The following CYREN variants were observed in gnomAD, a reference collection of about 807,000 sequenced individuals.
CYREN encodes cell cycle regulator of NHEJ.
Under a neutral mutation model 9.7 loss-of-function variants are expected in CYREN, and 7 were observed. The observed-to-expected ratio is 0.72, with a 90% CI of 0.41 to 1.36. CYREN has a LOEUF of 1.36. Ranked by LOEUF, CYREN falls within the 40% of genes most tolerant of loss-of-function variation. The pLI is 0.01. For synonymous variants in CYREN, 76 were observed against 77.9 expected, an observed-to-expected ratio of 0.98 and a Z score of 0.13; for missense variants, 215 against 198.1, an observed-to-expected ratio of 1.09 and a Z score of -0.51.
rs569668912 is a variant in CYREN, at chr7:135,153,822, T to C, written n.356+14927A>G. On this transcript the variant is annotated intron_variant and non_coding_transcript_variant, in intron 2 of 2. Transcript: ENST00000459937. Reference sequence around the variant, plus strand: ...TTTCATTTTCTGCTGTGTCCTTGTCTGGTTTTTAGTATCAGGGTGACCCTG... The same window carrying C: ...TTTCATTTTCTGCTGTGTCCTTGTCCGGTTTTTAGTATCAGGGTGACCCTG... 2.6e-5 allele frequency among the ~76,000 whole-genome samples: 4 copies of C among 152,370 alleles called. No individual in the cohort carries two copies. The South Asian group carries it at 8.3e-4, about 32-fold the overall frequency.
Position 135,166,826 on chromosome 7 carries a change from C to A in CYREN, c.259G>T (p.Ala87Ser). ...GGAGGGGAGTGCTCTGGGTTATCAG[C>A]CCCCGCCAGGGCCGGCTGCTCGCAG... ...KACEQPALAGADNPEHSPPCS... is the reference protein window; with the variant it reads ...KACEQPALAGSDNPEHSPPCS... Residue 87 changes from alanine to serine, a missense_variant, in exon 4 of 4, where the codon GCT becomes TCT. Coordinates refer to ENST00000393114, the MANE Select transcript of CYREN (RefSeq NM_024033.4). 6.2e-7 allele frequency: 1 copy of A among 1,614,120 alleles called. No individual in the cohort carries two copies. The highest frequency in any genetic ancestry group is 1.7e-5 in the Admixed American group (1 of 60,026).
intron 2 of CYREN, among the ~76,000 whole-genome samples, chr7:135,110,280 G>T (rs140703971): frequency 6.6e-6 from 1 of 152,164 alleles, no homozygotes; most frequent in African/African-American, 2.4e-5. Context: ...ATCTGCAGAC[G>T]GTCACTGCTC....
chr7:135,104,524 G>A (rs1248894771), intron 2 of CYREN, among the ~76,000 whole-genome samples: 1 of 151,742 alleles, frequency 6.6e-6, no homozygotes, highest in African/African-American at 2.4e-5. Context: ...TATAATGGTT[G>A]AACTAATCTA....
chr7:135,168,735 C>A lies in CYREN; in HGVS notation c.137+51G>T, dbSNP rs777052642. On this transcript the variant is annotated intron_variant, in intron 2 of 3. Transcript: ENST00000393114. Reference sequence around the variant, plus strand: ...AGACCTGGCCCAGGTCATGGAGGCCCCTGCTCCACTTGCCAGATTCGCAGG... The same window carrying A: ...AGACCTGGCCCAGGTCATGGAGGCCACTGCTCCACTTGCCAGATTCGCAGG... The A allele has an allele frequency of 2.1e-5, 34 of 1,595,596 alleles. 1 individual carries two copies. In the Admixed American group the frequency reaches 5.7e-4, roughly 27 times the overall value.
At chr7:135,129,478 G>T in intron 2 of CYREN, 1 of 774,024 alleles carries the variant, frequency 1.3e-6, no homozygotes, top group South Asian at 1.4e-5. Flanking sequence ...TTCAAGAACT[G>T]ACCATGTTGT....
chr7:135,148,018 C>T lies in CYREN; in HGVS notation n.356+20731G>A, dbSNP rs528622619. On this transcript the variant is annotated intron_variant and non_coding_transcript_variant, in intron 2 of 2. Coordinates refer to the CYREN transcript ENST00000459937. ...CATGGGCCACTGGCAAGTTAGGAAA[C>T]GAAAGTGAAATCAGCTGATAGTGAC... 1.1e-4 allele frequency: 48 copies of T among 455,938 alleles called. 2 individuals carry two copies. In the Middle Eastern group the frequency reaches 9.8e-3, roughly 93 times the overall value. 28.2% of individuals were successfully genotyped at this position (455,938 alleles called of 1,614,324 possible).
chr7:135,164,735 C>T, downstream of CYREN: 1 of 1,614,212 alleles, frequency 6.2e-7, no homozygotes. Flanking sequence ...TCTTTGCCCC[C>T]CAGCCTCTCC....
chr7:135,144,895 T>G (rs1444495959), intron 2 of CYREN, among the ~76,000 whole-genome samples: 1 of 126,634 alleles, frequency 7.9e-6, no homozygotes, highest in African/African-American at 3.0e-5. Context: ...ATCGTGCCAC[T>G]GCACTCCAGC....
intron 2 of CYREN, chr7:135,128,925 T>C: frequency 6.5e-7 from 1 of 1,530,594 alleles, no homozygotes; most frequent in Non-Finnish European, 9.1e-7. Flanking sequence ...TTTGTTCCTG[T>C]GCAATATCTG....
intron 2 of CYREN, among the ~76,000 whole-genome samples, chr7:135,100,675 T>G (rs1323150149): frequency 6.6e-6 from 1 of 152,242 alleles, no homozygotes; most frequent in Non-Finnish European, 1.5e-5. Flanking sequence ...TGGGCCTACT[T>G]TCACTTGGAT....
rs537617063 is a variant in CYREN at position 135,168,614 on chromosome 7, G to A, written c.137+172C>T. The A allele has an allele frequency of 6.0e-5, 62 of 1,033,526 alleles. 1 individual carries two copies. The highest frequency in any genetic ancestry group is 6.5e-4 in the Middle Eastern group (2 of 3,100). The allele number at this position is 1,033,526 out of a possible 1,614,324, so 64.0% of individuals were successfully genotyped here. A position where few individuals can be genotyped will look rare whatever the true frequency, so the allele number is the denominator to read the frequency against. On this transcript the variant is annotated intron_variant, in intron 2 of 3. Transcript: ENST00000393114. Reference sequence around the variant, plus strand: ...GGTGCCTGTCCTCGAGGGTTAACCCGCTTTGCCTCCCGCCCACAGCCCCTC... The same window carrying A: ...GGTGCCTGTCCTCGAGGGTTAACCCACTTTGCCTCCCGCCCACAGCCCCTC...
chr7:135,099,506 T>G (rs1823438844), intron 2 of CYREN, among the ~76,000 whole-genome samples: 1 of 152,238 alleles, frequency 6.6e-6, no homozygotes, highest in African/African-American at 2.4e-5. Context: ...AGATATTTTA[T>G]GGTATATTCT....
chr7:135,171,991 T>C (rs984449457), upstream of CYREN, among the ~76,000 whole-genome samples: 1 of 152,356 alleles, frequency 6.6e-6, no homozygotes, highest in Non-Finnish European at 1.5e-5. Flanking sequence ...TTTTTGGAAC[T>C]TGCCCCACTC....
At chr7:135,106,766 T>C (rs2117087454) in intron 2 of CYREN, among the ~76,000 whole-genome samples, 1 of 152,362 alleles carries the variant, frequency 6.6e-6, no homozygotes, top group East Asian at 1.9e-4. Flanking sequence ...CTCAGCTTTT[T>C]GAAATAGTTT....
intron 2 of CYREN, among the ~76,000 whole-genome samples, chr7:135,111,482 C>T (rs546109137): frequency 5.3e-5 from 8 of 152,294 alleles, no homozygotes; most frequent in African/African-American, 1.4e-4. Context: ...TTCACAATAG[C>T]TATTGTGCAT....
At chr7:135,164,995 G>A (rs759022678), downstream of CYREN, 1 of 1,584,032 alleles carries the variant, frequency 6.3e-7, no homozygotes, top group South Asian at 1.1e-5. Flanking sequence ...CTTGAGAGCT[G>A]CTAAAGGCTT....
intron 2 of CYREN, among the ~76,000 whole-genome samples, chr7:135,149,037 T>C (rs1327218122): frequency 6.6e-6 from 1 of 152,178 alleles, no homozygotes; most frequent in Non-Finnish European, 1.5e-5. Flanking sequence ...CCACTTACCA[T>C]ACCCCATTCC....
chr7:135,131,678 G>A (rs972252647), intron 2 of CYREN, among the ~76,000 whole-genome samples: 8 of 151,658 alleles, frequency 5.3e-5, no homozygotes, highest in African/African-American at 1.9e-4. Context: ...CTCAAAGCAA[G>A]CAGAAAGAAG....
At chr7:135,111,779 A>G (rs1039170891) in intron 2 of CYREN, among the ~76,000 whole-genome samples, 2 of 152,166 alleles carry the variant, frequency 1.3e-5, no homozygotes, top group African/African-American at 4.8e-5. Flanking sequence ...ACAGTAGTCC[A>G]TCCTTTGGTC....
Sources: allele counts gnomAD v4.1 joint callset (sites outside exome capture counted in the v4.1 genomes callset), GRCh38; gene constraint gnomAD v4.1.1; transcripts MANE v1.5; gene names NCBI Gene and HGNC (gene_info 2026-07-23, HGNC 2026-07-21).